The following CFAP44 variants were observed in gnomAD, a reference collection of about 807,000 sequenced individuals.
CFAP44 encodes the protein cilia and flagella associated protein 44, also known as cilia- and flagella-associated protein 44.
A neutral mutation model predicts 216.2 loss-of-function variants in CFAP44; 134 were observed. That is an observed-to-expected ratio of 0.62 (90% CI 0.54 to 0.72). The LOEUF is 0.72. CFAP44 is among the 30% of genes least tolerant of loss of function. CFAP44 has a pLI of 0.00. For missense variants in CFAP44, 2,035 were observed against 2,182.1 expected (o/e 0.93, Z 1.34); for synonymous variants, 700 against 727.6 (o/e 0.96, Z 0.61).
chr3:113,414,115 G>T (rs144686610), intron 6 of CFAP44, among the ~76,000 whole-genome samples: 1,960 of 152,204 alleles, frequency 0.013, 21 homozygotes, highest in Middle Eastern at 0.02. Flanking sequence ...TATTCTCTTT[G>T]TAGTGATTGT....
At position 113,309,899 on chromosome 3, in the gene CFAP44, C is replaced by G. The variant is rs78538475; in HGVS notation, c.4517-1631G>C. Reference sequence around the variant, plus strand: ...TAGACACAGAAAGCCTCAACAAAAGCTTGCTCTCTCTAGCCAAAGGACCAG... The same window carrying G: ...TAGACACAGAAAGCCTCAACAAAAGGTTGCTCTCTCTAGCCAAAGGACCAG... On this transcript the variant is annotated intron_variant, in intron 28 of 34. Coordinates refer to ENST00000393845, the MANE Select transcript of CFAP44 (RefSeq NM_001164496.2). Among the ~76,000 whole-genome samples the G allele has an allele frequency of 1.9e-3, 292 of 152,308 alleles. 2 individuals are homozygous for G. Among genetic ancestry groups the G allele is most frequent in the African/African-American group, 5.7e-3 (238 of 41,552 alleles).
chr3:113,340,295 GT>G (rs1274276155), intron 24 of CFAP44, among the ~76,000 whole-genome samples: 1 of 152,156 alleles, frequency 6.6e-6, no homozygotes, highest in Non-Finnish European at 1.5e-5. Flanking sequence ...TCCACAGCCT[GT>G]AACAAAACTC....
rs753539765 is a variant in CFAP44, at chr3:113,396,758, A to C, written c.1570-31T>G. On this transcript the variant is annotated intron_variant, in intron 13 of 34. Coordinates refer to ENST00000393845, the MANE Select transcript of CFAP44 (RefSeq NM_001164496.2). ...AGAAAATTAAAGATAAGGGACCTGA[A>C]ACTAGTTAAATTGAGAAAGTTGTAC... The C allele has an allele frequency of 4.4e-6, 7 of 1,594,942 alleles. No homozygotes were observed. In the East Asian group the frequency reaches 1.6e-4, roughly 36 times the overall value.
intron 18 of CFAP44, 62 bp downstream of exon 18, chr3:113,373,349 G>A: frequency 7.4e-7 from 1 of 1,344,630 alleles, no homozygotes; most frequent in Non-Finnish European, 9.7e-7. Flanking sequence ...TATCCATGAT[G>A]AACAAAAGCA....
intron 2 of CFAP44, among the ~76,000 whole-genome samples, chr3:113,428,558 T>A (rs947154255): frequency 3.3e-5 from 5 of 152,208 alleles, no homozygotes; most frequent in Admixed American, 3.3e-4. Flanking sequence ...AGACTTATGG[T>A]TTGAAGAATA....
intron 4 of CFAP44, among the ~76,000 whole-genome samples, chr3:113,424,343 G>A (rs1048894520): frequency 9.2e-5 from 14 of 152,194 alleles, no homozygotes; most frequent in African/African-American, 3.1e-4. Context: ...GGCTGAGGCA[G>A]GAGAATTGCT....
intron 22 of CFAP44, among the ~76,000 whole-genome samples, chr3:113,345,526 T>C (rs960319905): frequency 6.6e-6 from 1 of 152,156 alleles, no homozygotes; most frequent in African/African-American, 2.4e-5. Context: ...GCCCCTCAAT[T>C]TTCCATGTTT....
At chr3:113,414,163 C>G (rs1371621924) in intron 6 of CFAP44, among the ~76,000 whole-genome samples, 1 of 152,072 alleles carries the variant, frequency 6.6e-6, no homozygotes, top group Non-Finnish European at 1.5e-5. Flanking sequence ...CTCTGCTTGT[C>G]TATTGTTGAT....
At chr3:113,406,187 G>C (rs1433830507) in intron 8 of CFAP44, among the ~76,000 whole-genome samples, 1 of 152,206 alleles carries the variant, frequency 6.6e-6, no homozygotes, top group African/African-American at 2.4e-5. Flanking sequence ...GATTACAGTT[G>C]CAGTGTTGCA....
Position 113,412,241 on chromosome 3 carries a change from C to T in CFAP44, c.674-2919G>A, listed in dbSNP as rs1392715218. 2.6e-5 allele frequency among the ~76,000 whole-genome samples: 4 copies of T among 152,200 alleles called. No homozygotes were observed. The South Asian group carries it at 6.2e-4, about 24-fold the overall frequency. On this transcript the variant is annotated intron_variant, in intron 6 of 34. Transcript: ENST00000393845. ...TCAAATTGTCCCTGTTTGCAGATGACATGGTTGTATATTAGAAAACCCCAT... is the reference window on the plus strand; with the variant it reads ...TCAAATTGTCCCTGTTTGCAGATGATATGGTTGTATATTAGAAAACCCCAT...
chr3:113,436,043 A>G (rs1935231890), intron 1 of CFAP44, among the ~76,000 whole-genome samples: 1 of 152,104 alleles, frequency 6.6e-6, no homozygotes, highest in South Asian at 2.1e-4. Flanking sequence ...GAATCAAACA[A>G]TAAAAACCTG....
At chr3:113,311,232 G>A (rs1452506192) in intron 28 of CFAP44, among the ~76,000 whole-genome samples, 3 of 152,168 alleles carry the variant, frequency 2.0e-5, no homozygotes, top group African/African-American at 4.8e-5. Context: ...AAAGAACTAA[G>A]TGAAAATTTA....
At chr3:113,341,976 A>G (rs1326103555) in intron 23 of CFAP44, 58 bp from the exon 24 acceptor site, 4 of 1,463,890 alleles carry the variant, frequency 2.7e-6, no homozygotes, top group East Asian at 2.6e-5. Context: ...AAACTCTCAG[A>G]TATTGTTTTT....
chr3:113,429,082 A>C (rs1935036479), intron 2 of CFAP44: 3 of 152,110 alleles, frequency 2.0e-5, no homozygotes. Context: ...CTTTATAAAA[A>C]ATTTATAAGA....
At chr3:113,434,861 G>A (rs1376032726) in intron 1 of CFAP44, 6 of 152,224 alleles carry the variant, frequency 3.9e-5, no homozygotes, top group African/African-American at 9.7e-5. Context: ...CCTGGTCTCT[G>A]AAGATAGACT....
At chr3:113,357,940 A>G (rs1018522319) in intron 22 of CFAP44, among the ~76,000 whole-genome samples, 4 of 152,178 alleles carry the variant, frequency 2.6e-5, no homozygotes, top group African/African-American at 9.6e-5. Context: ...AACAACTCAA[A>G]TATCTATTAA....
At chr3:113,380,780 C>G in intron 16 of CFAP44, 119 bp downstream of exon 16, 1 of 833,774 alleles carries the variant, frequency 1.2e-6, no homozygotes, top group Admixed American at 3.4e-5. Flanking sequence ...TTATAAACTC[C>G]TTAAGTTCAG....
intron 5 of CFAP44, chr3:113,417,257 G>A (rs958452919): frequency 6.6e-6 from 1 of 152,100 alleles, no homozygotes; most frequent in Non-Finnish European, 1.5e-5. Flanking sequence ...TGTGGAAAAA[G>A]TTACAAACGA....
At chr3:113,335,079 A>T (rs1306072819) in intron 24 of CFAP44, among the ~76,000 whole-genome samples, 1 of 152,192 alleles carries the variant, frequency 6.6e-6, no homozygotes, top group Non-Finnish European at 1.5e-5. Context: ...AAGGAAGGAA[A>T]GAAAAAGGGA....
Sources: allele counts gnomAD v4.1 joint callset (sites outside exome capture counted in the v4.1 genomes callset), GRCh38; gene constraint gnomAD v4.1.1; transcripts MANE v1.5; gene names NCBI Gene and HGNC (gene_info 2026-07-23, HGNC 2026-07-21).